HMCN1: variants seen among roughly 807,000 people sequenced by gnomAD.
The protein encoded by HMCN1 is hemicentin-1.
Under a neutral mutation model 625.9 loss-of-function variants are expected in HMCN1, and 321 were observed. That is an observed-to-expected ratio of 0.51 (90% CI 0.47 to 0.56). The LOEUF is 0.56. Ranked by LOEUF, HMCN1 falls within the 20% of genes least tolerant of loss-of-function variation. HMCN1 has a pLI of 0.00. For synonymous variants in HMCN1, 2,425 were observed against 2,417.6 expected (o/e 1.00, Z -0.09); for missense variants, 6,588 against 6,887.3 (o/e 0.96, Z 1.54).
intron 4 of HMCN1, among the ~76,000 whole-genome samples, chr1:185,880,779 G>A (rs1246776351): frequency 6.6e-6 from 1 of 152,234 alleles, no homozygotes; most frequent in Non-Finnish European, 1.5e-5. Flanking sequence ...GACCAGAAGA[G>A]TCTGGAGTAA....
chr1:186,151,248 T>G lies in HMCN1; in HGVS notation c.14657T>G (p.Val4886Gly). The G allele has an allele frequency of 6.2e-7, 1 of 1,613,840 alleles. No homozygotes were observed. The highest frequency in any genetic ancestry group is 8.5e-7 in the Non-Finnish European group (1 of 1,179,766). ...RGSVIGNIND[V>G]EFGIAFLNAT... ...AGTGTTATTGGAAATATTAATGATGTTGAATTTGGAATTGCTTTCCTTAAT... is the reference window on the plus strand; with the variant it reads ...AGTGTTATTGGAAATATTAATGATGGTGAATTTGGAATTGCTTTCCTTAAT... The change falls in exon 94 of 107, where the codon GTT becomes GGT. Residue 4886 changes from valine to glycine, a missense_variant. This residue lies in a region of HMCN1 where 1,954 missense variants were observed against 2,013.1 expected (regional missense o/e 0.97). Coordinates refer to ENST00000271588, the MANE Select transcript of HMCN1 (RefSeq NM_031935.3).
intron 1 of HMCN1, among the ~76,000 whole-genome samples, chr1:185,810,132 C>G (rs1019781997): frequency 1.3e-5 from 2 of 152,156 alleles, no homozygotes; most frequent in South Asian, 2.1e-4. Context: ...TTTATTTAAG[C>G]CTTCATCACA....
chr1:186,136,607 A>G, intron 86 of HMCN1, 61 bp from the exon 87 acceptor site: 4 of 1,500,116 alleles, frequency 2.7e-6, no homozygotes, highest in Non-Finnish European at 2.8e-6. Context: ...CATATAATAC[A>G]TGATAAAAAA....
intron 105 of HMCN1, among the ~76,000 whole-genome samples, chr1:186,182,908 T>C (rs933472650): frequency 4.6e-5 from 7 of 152,190 alleles, no homozygotes; most frequent in African/African-American, 1.4e-4. Flanking sequence ...GGGCAAGATA[T>C]AGCAATGACA....
At chr1:186,068,188 C>T (rs1658248182) in intron 50 of HMCN1, among the ~76,000 whole-genome samples, 181 bp downstream of exon 50, 1 of 151,922 alleles carries the variant, frequency 6.6e-6, no homozygotes, top group Non-Finnish European at 1.5e-5. Context: ...GATTGGGACC[C>T]CTGCTGTAAA....
chr1:186,077,210 A>G (rs1018506618), intron 54 of HMCN1, among the ~76,000 whole-genome samples: 1 of 152,170 alleles, frequency 6.6e-6, no homozygotes, highest in Admixed American at 6.6e-5. Context: ...TTTGACCCCA[A>G]TTAAATAAAA....
chr1:185,952,775 G>A (rs1649303187), intron 11 of HMCN1, among the ~76,000 whole-genome samples: 2 of 151,760 alleles, frequency 1.3e-5, no homozygotes, highest in South Asian at 4.2e-4. Flanking sequence ...GTGGAAGCTT[G>A]CCCATAGTGA....
At chr1:186,090,988 C>T (rs1659810750) in intron 64 of HMCN1, 71 bp downstream of exon 64, 4 of 1,451,674 alleles carry the variant, frequency 2.8e-6, no homozygotes, top group Non-Finnish European at 3.9e-6. Flanking sequence ...TCAAATTTCA[C>T]ATGAATAATA....
intron 1 of HMCN1, among the ~76,000 whole-genome samples, chr1:185,762,010 C>T (rs1655543386): frequency 1.3e-5 from 2 of 152,134 alleles, no homozygotes; most frequent in Non-Finnish European, 2.9e-5. Flanking sequence ...TTTAAACAAG[C>T]TTGCAGCAGG....
chr1:186,131,398 A>G (rs1489225381), intron 85 of HMCN1, among the ~76,000 whole-genome samples: 1 of 152,104 alleles, frequency 6.6e-6, no homozygotes, highest in Non-Finnish European at 1.5e-5. Flanking sequence ...CTTCTTCATT[A>G]CCACTTTTCC....
intron 86 of HMCN1, among the ~76,000 whole-genome samples, chr1:186,133,206 G>A (rs977405270): frequency 6.6e-6 from 1 of 152,150 alleles, no homozygotes; most frequent in Non-Finnish European, 1.5e-5. Flanking sequence ...TATAAAGGTG[G>A]CAGAGCTTTT....
chr1:185,865,649 C>T, intron 3 of HMCN1, 92 bp from the exon 4 acceptor site: 1 of 979,702 alleles, frequency 1.0e-6, no homozygotes, highest in South Asian at 1.3e-5. Flanking sequence ...ATTCTACTTG[C>T]CCAGTAATGT....
At chr1:186,074,146 A>G (rs1239011322) in intron 52 of HMCN1, among the ~76,000 whole-genome samples, 1 of 152,106 alleles carries the variant, frequency 6.6e-6, no homozygotes, top group East Asian at 1.9e-4. Flanking sequence ...GAGATGTTCT[A>G]TTAGCTATAG....
At chr1:185,962,084 G>C (rs1650062954) in intron 11 of HMCN1, among the ~76,000 whole-genome samples, 1 of 152,128 alleles carries the variant, frequency 6.6e-6, no homozygotes, top group Non-Finnish European at 1.5e-5. Flanking sequence ...TAAATAAAAA[G>C]AAAGATCAGG....
chr1:185,960,851 T>C (rs1489893377), intron 11 of HMCN1, among the ~76,000 whole-genome samples: 1 of 152,200 alleles, frequency 6.6e-6, no homozygotes, highest in African/African-American at 2.4e-5. Context: ...TCATTTTTTT[T>C]CCCACTTATC....
intron 11 of HMCN1, among the ~76,000 whole-genome samples, chr1:185,950,884 GGT>G (rs1668622160): frequency 6.6e-6 from 1 of 151,382 alleles, no homozygotes; most frequent in African/African-American, 2.4e-5. Flanking sequence ...TGGTTGATAA[GGT>G]GCAGATCCTG....
chr1:185,772,417 A>G (rs1656307812), intron 1 of HMCN1, among the ~76,000 whole-genome samples: 1 of 152,124 alleles, frequency 6.6e-6, no homozygotes. Context: ...GCTTCATAGT[A>G]GTAGTGCTAG....
chr1:185,971,471 T>C (rs1045071661), intron 15 of HMCN1, among the ~76,000 whole-genome samples: 4 of 152,214 alleles, frequency 2.6e-5, no homozygotes, highest in Admixed American at 2.0e-4. Context: ...GAACCTGGCA[T>C]TTAATTTTTA....
Position 185,981,047 on chromosome 1 carries a change from A to C in HMCN1, c.2636A>C (p.Glu879Ala). The change falls in exon 17 of 107, where the codon GAG becomes GCG. Residue 879 changes from glutamate (E) to alanine (A), a missense_variant. Transcript: ENST00000271588. ...AACCAGTTTGGAAAGATCCAGTCAGAGACAACAGTAACAGTGACCGGACTT... is the reference window on the plus strand; with the variant it reads ...AACCAGTTTGGAAAGATCCAGTCAGCGACAACAGTAACAGTGACCGGACTT... The part of the protein sequence containing the change: ...AENQFGKIQS[E>A]TTVTVTGLVA... The C allele has an allele frequency of 6.2e-7, 1 of 1,609,942 alleles. No individual in the cohort carries two copies. Among genetic ancestry groups the C allele is most frequent in the South Asian group, 1.1e-5 (1 of 91,026 alleles).
Sources: allele counts gnomAD v4.1 joint callset (sites outside exome capture counted in the v4.1 genomes callset), GRCh38; gene constraint gnomAD v4.1.1; regional missense constraint gnomAD v4.1.1; transcripts MANE v1.5; gene names NCBI Gene and HGNC (gene_info 2026-07-23, HGNC 2026-07-21).